Variants in MAGI1 observed in about 807,000 individuals in gnomAD.
MAGI1 encodes the protein membrane-associated guanylate kinase, WW and PDZ domain-containing protein 1.
Under a neutral mutation model 139.9 loss-of-function variants are expected in MAGI1, and 58 were observed. That is an observed-to-expected ratio of 0.41 (90% CI 0.34 to 0.52). The LOEUF (loss-of-function observed/expected upper bound fraction) is 0.52. Among genes scored for constraint, MAGI1 ranks in the 20% least tolerant of loss-of-function variants. The pLI is 0.12. For missense variants in MAGI1, 1,874 were observed against 1,901.6 expected, an observed-to-expected ratio of 0.99 and a Z score of 0.27; for synonymous variants, 812 against 737.9, an observed-to-expected ratio of 1.10 and a Z score of -1.63.
intron 1 of MAGI1, among the ~76,000 whole-genome samples, chr3:65,773,792 G>A (rs1252872637): frequency 6.6e-6 from 1 of 152,118 alleles, no homozygotes; most frequent in Non-Finnish European, 1.5e-5. Context: ...TGATTCGAGT[G>A]TTTATGCCTT....
At chr3:65,958,536 G>A (rs768053881) in intron 1 of MAGI1, among the ~76,000 whole-genome samples, 2 of 152,212 alleles carry the variant, frequency 1.3e-5, no homozygotes, top group Non-Finnish European at 2.9e-5. Context: ...TCTCTGCAGT[G>A]GTTCCTAAGA....
chr3:65,826,274 T>C (rs1316997299), intron 1 of MAGI1, among the ~76,000 whole-genome samples: 3 of 152,190 alleles, frequency 2.0e-5, no homozygotes, highest in African/African-American at 7.2e-5. Flanking sequence ...TAGGAGATCA[T>C]ACTAAAACTT....
At chr3:65,390,993 G>A (rs979327335) in intron 14 of MAGI1, 149 bp downstream of exon 14, 18 of 668,472 alleles carry the variant, frequency 2.7e-5, no homozygotes, top group Non-Finnish European at 4.3e-5. Flanking sequence ...AGCCAGCAGA[G>A]TCCACTCCCT....
chr3:65,429,526 G>C lies in MAGI1; in HGVS notation c.2161C>G (p.Arg721Gly). 6.2e-7 allele frequency: 1 copy of C among 1,607,362 alleles called. No individual in the cohort carries two copies. Among genetic ancestry groups the C allele is most frequent in the Non-Finnish European group, 8.5e-7 (1 of 1,175,508 alleles). ...ACAAAACAACCCTACTTACCTCCTC[G>C]TTGCACCAACAATGTGACCTCACTT... ...KGSEVTLLVQ[R>G]GGLPVPKKSP... The change falls in exon 12 of 23, where the codon CGA becomes GGA. Residue 721 changes from arginine to glycine, a missense_variant. Transcript: ENST00000402939.
At position 65,370,683 on chromosome 3, in the gene MAGI1, G is replaced by C. The variant is rs536060826; in HGVS notation, c.3196+5062C>G. ...AGACATGGTCTCAGTCTGTCATCCA[G>C]GCTGGAGTGCAGTGGCATGATCAGG... On this transcript the variant is annotated intron_variant, in intron 18 of 22. Coordinates refer to ENST00000402939, the MANE Select transcript of MAGI1 (RefSeq NM_001033057.2). Among the ~76,000 whole-genome samples the C allele has an allele frequency of 3.3e-5, 5 of 152,268 alleles. 1 individual carries two copies. In the East Asian group the frequency reaches 9.7e-4, roughly 29 times the overall value.
At chr3:65,848,877 G>T (rs1239254833) in intron 1 of MAGI1, among the ~76,000 whole-genome samples, 1 of 152,014 alleles carries the variant, frequency 6.6e-6, no homozygotes, top group African/African-American at 2.4e-5. Flanking sequence ...ACACTTCCTG[G>T]CTTACTGATT....
intron 1 of MAGI1, among the ~76,000 whole-genome samples, chr3:65,700,445 A>C (rs970269659): frequency 6.7e-6 from 1 of 149,798 alleles, no homozygotes; most frequent in Non-Finnish European, 1.5e-5. Context: ...GCGAGACTCC[A>C]TCTCAAAATA....
chr3:65,559,253 A>G (rs2080226748), intron 2 of MAGI1, among the ~76,000 whole-genome samples: 3 of 152,220 alleles, frequency 2.0e-5, no homozygotes, highest in Admixed American at 2.0e-4. Context: ...AAATAACATT[A>G]TGTTCCAAAT....
intron 1 of MAGI1, among the ~76,000 whole-genome samples, chr3:65,779,770 A>G (rs2038779279): frequency 6.6e-6 from 1 of 152,212 alleles, no homozygotes. Flanking sequence ...TAAGGTCTCC[A>G]AAAAAGATCT....
rs971654559 is a variant in MAGI1 at position 65,701,584 on chromosome 3, C to CT, written c.314-79497dup. ...AGCTTTTAATGCAAGGTTCACTTTT[C>CT]TTTTTTTTTTCCTGTCACACACATG... On this transcript the variant is annotated intron_variant, in intron 1 of 22. Transcript: ENST00000402939. Among the ~76,000 whole-genome samples, 88 of 149,810 alleles carry CT rather than the reference C, an allele frequency of 5.9e-4. 2 individuals are homozygous for CT. The highest frequency in any genetic ancestry group is 2.5e-3 in the Admixed American group (38 of 14,942).
At chr3:65,847,952 T>C (rs539234737) in intron 1 of MAGI1, among the ~76,000 whole-genome samples, 10 of 152,142 alleles carry the variant, frequency 6.6e-5, no homozygotes, top group South Asian at 4.2e-4. Flanking sequence ...GGGGTATACC[T>C]TGAGTCCAGG....
intron 1 of MAGI1, among the ~76,000 whole-genome samples, chr3:65,715,020 A>G (rs2032049744): frequency 6.6e-6 from 1 of 150,392 alleles, no homozygotes; most frequent in Admixed American, 6.6e-5. Flanking sequence ...TGGGATGGGG[A>G]GAGGGGTAGA....
In MAGI1 at chr3:65,471,032, C is replaced by T. The variant is rs970974307; in HGVS notation, c.758-548G>A. Among the ~76,000 whole-genome samples, 40 of 152,062 alleles carry T rather than the reference C, an allele frequency of 2.6e-4. 1 individual carries two copies. The highest frequency in any genetic ancestry group is 2.1e-4 in the South Asian group (1 of 4,824). The stretch of plus-strand genomic sequence containing the variant: ...CAAAGAATGGTTAATTAAGCTGAAA[C>T]GTATACAAAAGTTTAGAATATGGAG... On this transcript the variant is annotated intron_variant, in intron 4 of 22. Transcript: ENST00000402939.
At chr3:65,572,441 T>C (rs960382923) in intron 2 of MAGI1, among the ~76,000 whole-genome samples, 8 of 152,006 alleles carry the variant, frequency 5.3e-5, no homozygotes, top group Admixed American at 2.6e-4. Context: ...TTGCACAAAA[T>C]GAGGGGAAAC....
intron 1 of MAGI1, among the ~76,000 whole-genome samples, chr3:65,977,463 C>A (rs370950279): frequency 6.6e-6 from 1 of 152,174 alleles, no homozygotes; most frequent in Non-Finnish European, 1.5e-5. Context: ...GTAATCCCAG[C>A]ACTTTGGGAG....
At chr3:65,584,257 G>A (rs1393975242) in intron 2 of MAGI1, among the ~76,000 whole-genome samples, 1 of 152,104 alleles carries the variant, frequency 6.6e-6, no homozygotes, top group Non-Finnish European at 1.5e-5. Flanking sequence ...GGCCAATGCT[G>A]GAATTGGTGA....
intron 1 of MAGI1, among the ~76,000 whole-genome samples, chr3:65,934,765 G>GTTT (rs1217371754): frequency 7.3e-6 from 1 of 137,810 alleles, no homozygotes. Flanking sequence ...AGAAAAAGTT[G>GTTT]TTGTTTTTTT....
At chr3:65,452,381 T>A (rs1949083085) in intron 6 of MAGI1, among the ~76,000 whole-genome samples, 1 of 152,196 alleles carries the variant, frequency 6.6e-6, no homozygotes, top group Non-Finnish European at 1.5e-5. Context: ...ATAGGACGAA[T>A]AATAAAGTTC....
intron 1 of MAGI1, among the ~76,000 whole-genome samples, chr3:65,999,795 T>C (rs759067577): frequency 7.2e-5 from 11 of 151,906 alleles, no homozygotes; most frequent in Non-Finnish European, 1.5e-4. Context: ...AAGTCTGTGT[T>C]CCCCAATTGT....
Sources: allele counts gnomAD v4.1 joint callset (sites outside exome capture counted in the v4.1 genomes callset), GRCh38; gene constraint gnomAD v4.1.1; transcripts MANE v1.5; gene names NCBI Gene and HGNC (gene_info 2026-07-23, HGNC 2026-07-21).